HOXB3: variants seen among roughly 807,000 people sequenced by gnomAD.
HOXB3 encodes the protein homeobox protein Hox-B3.
A neutral mutation model predicts 29.2 loss-of-function variants in HOXB3; 17 were observed. The ratio of observed to expected loss-of-function variants is 0.58; its 90% confidence interval spans 0.40 to 0.87. The LOEUF is 0.87. HOXB3 is among the 40% of genes least tolerant of loss of function. The probability of loss-of-function intolerance (pLI) is 0.00; values close to 1 mark genes in which losing one functional copy is unlikely to be tolerated. For synonymous variants in HOXB3, 317 were observed against 285.9 expected (o/e 1.11, Z -1.10); for missense variants, 637 against 616.3 (o/e 1.03, Z -0.35).
At chr17:48,564,615 T>G (rs2069327087) in intron 2 of HOXB3, among the ~76,000 whole-genome samples, 1 of 152,184 alleles carries the variant, frequency 6.6e-6, no homozygotes, top group Non-Finnish European at 1.5e-5. Flanking sequence ...CGGGCCAAGT[T>G]GCCAGGCGAG....
At chr17:48,569,468 G>A (rs2069509867) in intron 2 of HOXB3, among the ~76,000 whole-genome samples, 1 of 149,448 alleles carries the variant, frequency 6.7e-6, no homozygotes, top group South Asian at 2.2e-4. Flanking sequence ...TTAGTTCGTG[G>A]AGGTGCAGAA....
chr17:48,564,203 C>T (rs1228705039), intron 2 of HOXB3, among the ~76,000 whole-genome samples: 2 of 151,940 alleles, frequency 1.3e-5, no homozygotes, highest in African/African-American at 4.8e-5. Context: ...GGCTCCGCAC[C>T]CCACACTTAC....
chr17:48,563,100 CCATA>C (rs2069255094), intron 2 of HOXB3, among the ~76,000 whole-genome samples: 1 of 152,170 alleles, frequency 6.6e-6, no homozygotes, highest in Non-Finnish European at 1.5e-5. Context: ...CCTCAACCAA[CCATA>C]CTCACTAATT....
chr17:48,574,083 T>C, intron 1 of HOXB3, 69 bp from the exon 2 acceptor site: 1 of 568,044 alleles, frequency 1.8e-6, no homozygotes, highest in East Asian at 2.9e-5. Context: ...GTTTTCTGTA[T>C]AATTCTCACA....
rs4793578 is a variant in HOXB3, at chr17:48,550,032, T to C, written c.*302A>G. The C allele has an allele frequency of 6.2e-3, 2,264 of 365,846 alleles. 48 individuals carry two copies. The highest frequency in any genetic ancestry group is 0.039 in the African/African-American group (1,841 of 47,230). 22.7% of individuals were successfully genotyped at this position (365,846 alleles called of 1,614,324 possible). On this transcript the variant is annotated 3_prime_UTR_variant, in exon 5 of 5. Coordinates refer to ENST00000498678, the MANE Select transcript of HOXB3 (RefSeq NM_001384749.1). The stretch of plus-strand genomic sequence containing the variant: ...TGCCTCGTCCTGTCTCGTCTTCCTC[T>C]ACCCCACTCCCGGGCGTGGAATTCC...
intron 2 of HOXB3, chr17:48,560,211 C>A (rs948273746): frequency 4.6e-5 from 7 of 152,392 alleles, no homozygotes; most frequent in Admixed American, 2.0e-4. Context: ...AGGAACGGGC[C>A]CAGTCCCTGA....
chr17:48,588,629 T>C (rs2070089198), intron 1 of HOXB3, among the ~76,000 whole-genome samples: 1 of 152,174 alleles, frequency 6.6e-6, no homozygotes, highest in South Asian at 2.1e-4. Context: ...CTCCAGCACT[T>C]CTTTATATTT....
At position 48,550,283 on chromosome 17, in the gene HOXB3, C is replaced by T. The variant is rs746864099; in HGVS notation, c.*51G>A. 1.2e-6 allele frequency: 2 copies of T among 1,610,626 alleles called. No homozygotes were observed. The highest frequency in any genetic ancestry group is 8.5e-7 in the Non-Finnish European group (1 of 1,179,344). ...ACCTCCAGGTTGCCCCCCAGAGCTC[C>T]ACAGTCTCTCTCTTCCTCCCCATCC... On this transcript the variant is annotated 3_prime_UTR_variant, in exon 5 of 5. Transcript: ENST00000498678.
Position 48,583,262 on chromosome 17 carries a change from C to T in HOXB3, c.-425+6863G>A, listed in dbSNP as rs182488927. Among the ~76,000 whole-genome samples, 244 of 152,286 alleles carry T rather than the reference C, an allele frequency of 1.6e-3. 1 individual carries two copies. Among genetic ancestry groups the T allele is most frequent in the African/African-American group, 5.6e-3 (233 of 41,548 alleles). Reference sequence around the variant, plus strand: ...CATAACTTTCAGAGCTTTAACTGTCCTTTAAATACAAAACAATAGCTTCCC... The same window carrying T: ...CATAACTTTCAGAGCTTTAACTGTCTTTTAAATACAAAACAATAGCTTCCC... On this transcript the variant is annotated intron_variant, in intron 1 of 4. Transcript: ENST00000498678.
At chr17:48,557,642 G>A (rs2069039979) in intron 2 of HOXB3, among the ~76,000 whole-genome samples, 1 of 152,156 alleles carries the variant, frequency 6.6e-6, no homozygotes, top group Non-Finnish European at 1.5e-5. Flanking sequence ...GTAATGTCCT[G>A]AGGACCCCAC....
intron 3 of HOXB3, 123 bp downstream of exon 3, chr17:48,555,408 G>A: frequency 1.5e-6 from 1 of 679,716 alleles, no homozygotes; most frequent in South Asian, 1.5e-5. Flanking sequence ...GAGTCGCTGC[G>A]TGGAAGGAAG....
intron 2 of HOXB3, among the ~76,000 whole-genome samples, chr17:48,573,373 A>G (rs1279922842): frequency 1.3e-5 from 2 of 152,198 alleles, no homozygotes; most frequent in Non-Finnish European, 2.9e-5. Context: ...TCCAAGAGGC[A>G]GCAGTGACAA....
chr17:48,586,310 G>A (rs975558816), intron 1 of HOXB3, among the ~76,000 whole-genome samples: 1 of 152,212 alleles, frequency 6.6e-6, no homozygotes, highest in African/African-American at 2.4e-5. Flanking sequence ...ATTGCCCGAA[G>A]TCCAATACTC....
chr17:48,579,936 G>C (rs1047278362), intron 1 of HOXB3: 1 of 516,162 alleles, frequency 1.9e-6, no homozygotes, highest in Non-Finnish European at 3.9e-6. Context: ...ATATACAGAA[G>C]ACAGACAGAT....
In HOXB3 at chr17:48,552,283, G is replaced by C; in HGVS notation, c.192C>G (p.Ala64=). The C allele has an allele frequency of 1.2e-6, 2 of 1,613,988 alleles. No individual in the cohort carries two copies. The highest frequency in any genetic ancestry group is 1.7e-6 in the Non-Finnish European group (2 of 1,179,964). The change falls in exon 4 of 5, where the codon GCC becomes GCG. Residue 64 remains alanine, a synonymous_variant. Coordinates refer to ENST00000498678, the MANE Select transcript of HOXB3 (RefSeq NM_001384749.1). Reference sequence around the variant, plus strand: ...AGCTGCCGTTGAGCTCCTTGCTCTTGGCATGTGGGGCAGCGTTGCCCAGGG... The same window carrying C: ...AGCTGCCGTTGAGCTCCTTGCTCTTCGCATGTGGGGCAGCGTTGCCCAGGG... The part of the protein sequence containing the change: ...LQSLGNAAPH[A]KSKELNGSCM...
At chr17:48,561,901 G>A (rs1427981544) in intron 2 of HOXB3, among the ~76,000 whole-genome samples, 1 of 152,192 alleles carries the variant, frequency 6.6e-6, no homozygotes, top group Non-Finnish European at 1.5e-5. Flanking sequence ...TTTTTGGACT[G>A]AATGTTAGTG....
chr17:48,588,936 C>G (rs2070096105), intron 1 of HOXB3, among the ~76,000 whole-genome samples: 1 of 152,170 alleles, frequency 6.6e-6, no homozygotes, highest in Non-Finnish European at 1.5e-5. Flanking sequence ...TGCCACATAT[C>G]CAATCCCAGA....
Position 48,552,037 on chromosome 17 carries a change from G to A in HOXB3, c.438C>T (p.Ser146=). ...GCAGAGAACTGGTACCTGTGCCGGGGGAGTTGTTTTTCAGCTTGGACGTTT... is the reference window on the plus strand; with the variant it reads ...GCAGAGAACTGGTACCTGTGCCGGGAGAGTTGTTTTTCAGCTTGGACGTTT... ...SRQTSKLKNN[S]PGTAEGCGGG... is the part of the protein sequence containing the mutation. The change falls in exon 4 of 5, where the codon TCC becomes TCT. Residue 146 remains serine, a synonymous_variant. Coordinates refer to ENST00000498678, the MANE Select transcript of HOXB3 (RefSeq NM_001384749.1). 2 of 1,576,414 alleles carry A rather than the reference G, an allele frequency of 1.3e-6. No homozygotes were observed. The highest frequency in any genetic ancestry group is 1.7e-6 in the Non-Finnish European group (2 of 1,157,106).
At chr17:48,576,041 A>G (rs1484754251) in intron 1 of HOXB3, 1 of 152,020 alleles carries the variant, frequency 6.6e-6, no homozygotes, top group Non-Finnish European at 1.5e-5. Context: ...CCCACCCCCA[A>G]CCCCACGGTG....
Sources: gnomAD v4.1 joint callset for allele counts (sites outside exome capture counted in the v4.1 genomes callset) on GRCh38, gnomAD v4.1.1 for gene constraint, MANE v1.5 for transcripts, NCBI Gene and HGNC (gene_info 2026-07-23, HGNC 2026-07-21) for gene names.